PIK3CG: variants seen among roughly 807,000 people sequenced by gnomAD.
PIK3CG encodes the protein phosphatidylinositol-4,5-bisphosphate 3-kinase catalytic subunit gamma, also known as phosphatidylinositol 4,5-bisphosphate 3-kinase catalytic subunit gamma isoform.
PIK3CG carries 55 observed loss-of-function variants against 102.3 expected under a neutral mutation model. The observed-to-expected ratio is 0.54, with a 90% CI of 0.43 to 0.67. The LOEUF (loss-of-function observed/expected upper bound fraction) is 0.67, where lower values mean the gene tolerates loss of function less well. PIK3CG is among the 30% of genes least tolerant of loss of function. The pLI is 0.00. For missense variants in PIK3CG, 1,258 were observed against 1,391.8 expected, an observed-to-expected ratio of 0.90 and a Z score of 1.53; for synonymous variants, 552 against 540.0, an observed-to-expected ratio of 1.02 and a Z score of -0.31.
Position 106,877,850 on chromosome 7 carries a change from C to T in PIK3CG, c.2392-1669C>T, listed in dbSNP as rs533807470. 6.6e-6 allele frequency among the ~76,000 whole-genome samples: 1 copy of T among 152,252 alleles called. No individual in the cohort carries two copies. Among genetic ancestry groups the T allele is most frequent in the South Asian group, 2.1e-4 (1 of 4,832 alleles). ...GTATACTTCCATTAACCCCCGCATC[C>T]TTTGCATTATTTTTATTATGATTTC... On this transcript the variant is annotated intron_variant, in intron 5 of 10. Transcript: ENST00000496166. The surrounding 1 kb of genome is among the most constrained non-coding windows in gnomAD (Gnocchi z 4.5).
chr7:106,869,692 CT>C lies in PIK3CG; in HGVS notation c.1995+137del. On this transcript the variant is annotated intron_variant, in intron 2 of 10. Transcript: ENST00000496166. The surrounding 1 kb of genome is among the most constrained non-coding windows in gnomAD (Gnocchi z 5.3). ...ATCGGCAAAAGTAGATATGATGAAGCTGCCTCAAAAAGTAGTAAACTGTTCC... is the reference window on the plus strand; with the variant it reads ...ATCGGCAAAAGTAGATATGATGAAGCGCCTCAAAAAGTAGTAAACTGTTCC... 1 of 731,066 alleles carries C rather than the reference CT, an allele frequency of 1.4e-6. No individual in the cohort carries two copies. Among genetic ancestry groups the C allele is most frequent in the South Asian group, 2.0e-5 (1 of 50,632 alleles). The allele number at this position is 731,066 out of a possible 1,614,324, so 45.3% of individuals were successfully genotyped here.
In PIK3CG at chr7:106,902,102, G is replaced by A. The variant is rs1052154504; in HGVS notation, c.3031-3007G>A. ...TCCCAACTTGGAGGCAGCAGAGGAA[G>A]GGACTTTGGTATTGGTTGTGGCCAA... On this transcript the variant is annotated intron_variant, in intron 10 of 10. Transcript: ENST00000496166. This position sits in a 1 kb window ranked among gnomAD's most constrained non-coding sequence, Gnocchi z 4.3. Among the ~76,000 whole-genome samples the A allele has an allele frequency of 1.3e-5, 2 of 152,216 alleles. No homozygotes were observed. The highest frequency in any genetic ancestry group is 1.3e-4 in the Admixed American group (2 of 15,280).
intron 2 of PIK3CG, among the ~76,000 whole-genome samples, chr7:106,870,629 C>A (rs551574589): frequency 6.6e-6 from 1 of 152,118 alleles, no homozygotes; most frequent in South Asian, 2.1e-4. Context: ...TAAGAGACCC[C>A]GGGACAGTTC....
At position 106,869,484 on chromosome 7, in the gene PIK3CG, A is replaced by G. The variant is rs1005881896; in HGVS notation, c.1923A>G (p.Arg641=). The G allele has an allele frequency of 1.2e-6, 2 of 1,614,078 alleles. No homozygotes were observed. ...GCAACTTCTCAGATGAAAATGTAAG[A>G]GCCATTGCAGTTCAGAAACTGGAGA... The part of the protein sequence containing the change: ...LDCNFSDENV[R]AIAVQKLESL... The change falls in exon 2 of 11, where the codon AGA becomes AGG. Residue 641 remains arginine (R), a synonymous_variant. Coordinates refer to ENST00000496166, the MANE Select transcript of PIK3CG (RefSeq NM_001282426.2). The surrounding 1 kb of genome is among the most constrained non-coding windows in gnomAD (Gnocchi z 5.3).
In PIK3CG at chr7:106,874,077, A is replaced by G. The variant is rs1408447400; in HGVS notation, c.2288-623A>G. 6.6e-6 allele frequency among the ~76,000 whole-genome samples: 1 copy of G among 152,132 alleles called. No individual in the cohort carries two copies. The highest frequency in any genetic ancestry group is 1.5e-5 in the Non-Finnish European group (1 of 68,024). On this transcript the variant is annotated intron_variant, in intron 4 of 10. Transcript: ENST00000496166. The surrounding 1 kb of genome is among the most constrained non-coding windows in gnomAD (Gnocchi z 4.3). ...TTTCTTTCTCCCTTTGATTCTTACAATGCTTCCTCCTAAAAATGATGATGG... is the reference window on the plus strand; with the variant it reads ...TTTCTTTCTCCCTTTGATTCTTACAGTGCTTCCTCCTAAAAATGATGATGG...
Position 106,869,234 on chromosome 7 carries a change from T to C in PIK3CG, c.1673T>C (p.Ile558Thr), listed in dbSNP as rs749631229. Residue 558 changes from isoleucine (I) to threonine (T), a missense_variant, in exon 2 of 11, where the codon ATC becomes ACC. This residue lies in a region of PIK3CG where 832 missense variants were observed against 787.5 expected (regional missense o/e 1.06). Transcript: ENST00000496166. This position sits in a 1 kb window ranked among gnomAD's most constrained non-coding sequence, Gnocchi z 5.3. Reference sequence around the variant, plus strand: ...CAGCTTCGCAAGCAATTGGAGGCGATCATAGCCACTGATCCACTTAACCCT... The same window carrying C: ...CAGCTTCGCAAGCAATTGGAGGCGACCATAGCCACTGATCCACTTAACCCT... ...PNQLRKQLEA[I>T]IATDPLNPLT... 1 of 1,614,192 alleles carries C rather than the reference T, an allele frequency of 6.2e-7. No individual in the cohort carries two copies.
chr7:106,868,979 T>G lies in PIK3CG; in HGVS notation c.1418T>G (p.Phe473Cys). The change falls in exon 2 of 11, where the codon TTC becomes TGC. Residue 473 changes from phenylalanine to cysteine, a missense_variant. Around this residue, in one of 2 missense-constraint regions of PIK3CG, gnomAD observed 832 missense variants for 787.5 expected, o/e 1.06. Coordinates refer to ENST00000496166, the MANE Select transcript of PIK3CG (RefSeq NM_001282426.2). The surrounding 1 kb of genome is among the most constrained non-coding windows in gnomAD (Gnocchi z 6.2). ...AACCTGCTGCTGATAGACCACCGTT[T>G]CCTCCTGCGCCGTGGAGAATACGTC... is the stretch of plus-strand genomic sequence containing the variant. ...YVNLLLIDHR[F>C]LLRRGEYVLH... is the part of the protein sequence containing the mutation. The G allele has an allele frequency of 1.2e-6, 2 of 1,614,156 alleles. No individual in the cohort carries two copies. Among genetic ancestry groups the G allele is most frequent in the Non-Finnish European group, 8.5e-7 (1 of 1,180,032 alleles).
chr7:106,888,606 T>C (rs933668098), intron 10 of PIK3CG, among the ~76,000 whole-genome samples: 3 of 152,244 alleles, frequency 2.0e-5, no homozygotes, highest in Non-Finnish European at 4.4e-5. Context: ...AAACCTTTTT[T>C]ACTAAAGCAA....
In PIK3CG at chr7:106,899,627, G is replaced by A. The variant is rs1286181613; in HGVS notation, c.3031-5482G>A. Among the ~76,000 whole-genome samples, 1 of 152,172 alleles carries A rather than the reference G, an allele frequency of 6.6e-6. No individual in the cohort carries two copies. The highest frequency in any genetic ancestry group is 2.4e-5 in the African/African-American group (1 of 41,452). On this transcript the variant is annotated intron_variant, in intron 10 of 10. Coordinates refer to ENST00000496166, the MANE Select transcript of PIK3CG (RefSeq NM_001282426.2). This position sits in a 1 kb window ranked among gnomAD's most constrained non-coding sequence, Gnocchi z 4.6. ...CTGTGTCTATGGAGATAATCATGTG[G>A]TTTTTGTCTTTAGTTCTTTGTATGT...
Position 106,897,754 on chromosome 7 carries a change from A to G in PIK3CG, c.3031-7355A>G, listed in dbSNP as rs1239046190. 6.6e-6 allele frequency among the ~76,000 whole-genome samples: 1 copy of G among 152,168 alleles called. No homozygotes were observed. The highest frequency in any genetic ancestry group is 1.9e-4 in the East Asian group (1 of 5,194). On this transcript the variant is annotated intron_variant, in intron 10 of 10. Coordinates refer to ENST00000496166, the MANE Select transcript of PIK3CG (RefSeq NM_001282426.2). This position sits in a 1 kb window ranked among gnomAD's most constrained non-coding sequence, Gnocchi z 4.6. ...GCATAGTATTCCATGGTGTATATGT[A>G]CCACATTTTCTTTAATCAGCCTATC...
Position 106,868,728 on chromosome 7 carries a change from T to C in PIK3CG, c.1167T>C (p.His389=), listed in dbSNP as rs1219969037. The change falls in exon 2 of 11, where the codon CAT becomes CAC. Residue 389 remains histidine (H), a synonymous_variant. Coordinates refer to ENST00000496166, the MANE Select transcript of PIK3CG (RefSeq NM_001282426.2). This position sits in a 1 kb window ranked among gnomAD's most constrained non-coding sequence, Gnocchi z 6.2. ...LTVFVEANIQ[H]GQQVLCQRRT... ...TTTTTGTAGAGGCAAACATCCAGCA[T>C]GGGCAACAAGTCCTTTGCCAAAGGA... 6.2e-6 allele frequency: 10 copies of C among 1,614,206 alleles called. No homozygotes were observed. The highest frequency in any genetic ancestry group is 1.6e-4 in the Middle Eastern group (1 of 6,062).
chr7:106,881,019 CA>C (rs1158487379), intron 6 of PIK3CG, among the ~76,000 whole-genome samples: 3 of 151,810 alleles, frequency 2.0e-5, no homozygotes, highest in South Asian at 2.1e-4. Flanking sequence ...GCTCTCTGGT[CA>C]AAAAAAACCT....
chr7:106,906,740 CTGTT>C lies in PIK3CG; in HGVS notation c.*1355_*1358del, dbSNP rs1791691707. ...GAAAAAAACTATGTTAACAGTGTCTCTGTTTAAGTATAATCAGATATAAATATAT... is the reference window on the plus strand; with the variant it reads ...GAAAAAAACTATGTTAACAGTGTCTCTAAGTATAATCAGATATAAATATAT... On this transcript the variant is annotated 3_prime_UTR_variant, in exon 11 of 11. Coordinates refer to ENST00000496166, the MANE Select transcript of PIK3CG (RefSeq NM_001282426.2). 4.5e-6 allele frequency: 1 copy of C among 224,198 alleles called. No homozygotes were observed. Among genetic ancestry groups the C allele is most frequent in the Admixed American group, 5.8e-5 (1 of 17,334 alleles). The allele number at this position is 224,198 out of a possible 1,614,324, so 13.9% of individuals were successfully genotyped here.
intron 10 of PIK3CG, among the ~76,000 whole-genome samples, chr7:106,901,634 T>A (rs531348958): frequency 6.6e-6 from 1 of 152,332 alleles, no homozygotes; most frequent in East Asian, 1.9e-4. Flanking sequence ...ATATGACAAT[T>A]TGGCCATTTG....
Position 106,869,202 on chromosome 7 carries a change from G to A in PIK3CG, c.1641G>A (p.Met547Ile). ...DPEGDRVRAE[M>I]PNQLRKQLEA... ...AAGGGGACCGGGTTCGAGCAGAAATGCCCAACCAGCTTCGCAAGCAATTGG... is the reference window on the plus strand; with the variant it reads ...AAGGGGACCGGGTTCGAGCAGAAATACCCAACCAGCTTCGCAAGCAATTGG... Residue 547 changes from methionine to isoleucine, a missense_variant, in exon 2 of 11, where the codon ATG becomes ATA. By Grantham distance (10) the Met-to-Ile change is conservative. Coordinates refer to ENST00000496166, the MANE Select transcript of PIK3CG (RefSeq NM_001282426.2). The surrounding 1 kb of genome is among the most constrained non-coding windows in gnomAD (Gnocchi z 5.3). 5 of 1,614,206 alleles carry A rather than the reference G, an allele frequency of 3.1e-6. No homozygotes were observed. The highest frequency in any genetic ancestry group is 4.5e-5 in the East Asian group (2 of 44,876).
rs766162958 is a variant in PIK3CG, at chr7:106,883,500, T to C, written c.2760+337T>C. ...TCAGCCAAGATATTTAGTTACCATGTATAAACTCTTACGTACCTGGGAAAT... is the reference window on the plus strand; with the variant it reads ...TCAGCCAAGATATTTAGTTACCATGCATAAACTCTTACGTACCTGGGAAAT... On this transcript the variant is annotated intron_variant, in intron 8 of 10. Coordinates refer to ENST00000496166, the MANE Select transcript of PIK3CG (RefSeq NM_001282426.2). The surrounding 1 kb of genome is among the most constrained non-coding windows in gnomAD (Gnocchi z 5.8). 5.9e-5 allele frequency among the ~76,000 whole-genome samples: 9 copies of C among 152,262 alleles called. No homozygotes were observed. Among genetic ancestry groups the C allele is most frequent in the Non-Finnish European group, 1.2e-4 (8 of 68,042 alleles).
chr7:106,882,917 C>CAA (rs552794683), intron 7 of PIK3CG, 116 bp from the exon 8 acceptor site: 15,848 of 408,414 alleles, frequency 0.039, 2 homozygotes, highest in East Asian at 0.044. Context: ...GCTCTCTGGT[C>CAA]AAAAAAAAAA....
At chr7:106,875,780 G>A (rs974501269) in intron 5 of PIK3CG, among the ~76,000 whole-genome samples, 4 of 151,958 alleles carry the variant, frequency 2.6e-5, no homozygotes, top group Non-Finnish European at 5.9e-5. Flanking sequence ...GTCAGATGGT[G>A]TGTGTGTGTA....
At position 106,905,992 on chromosome 7, in the gene PIK3CG, C is replaced by T. The variant is rs922667814; in HGVS notation, c.*605C>T. 7 of 227,174 alleles carry T rather than the reference C, an allele frequency of 3.1e-5. No homozygotes were observed. The highest frequency in any genetic ancestry group is 5.2e-5 in the Non-Finnish European group (6 of 114,670). The allele number at this position is 227,174 out of a possible 1,614,324, so 14.1% of individuals were successfully genotyped here. A position where few individuals can be genotyped will look rare whatever the true frequency, so the allele number is the denominator to read the frequency against. On this transcript the variant is annotated 3_prime_UTR_variant, in exon 11 of 11. Transcript: ENST00000496166. This position sits in a 1 kb window ranked among gnomAD's most constrained non-coding sequence, Gnocchi z 5.6. Reference sequence around the variant, plus strand: ...CAAACACAGCAGGAGAAATCTAAACCGTTGTGCCTTGACCTTCCTCTGCTG... The same window carrying T: ...CAAACACAGCAGGAGAAATCTAAACTGTTGTGCCTTGACCTTCCTCTGCTG...
Sources: gnomAD v4.1 joint callset for allele counts (sites outside exome capture counted in the v4.1 genomes callset) on GRCh38, gnomAD v4.1.1 for gene constraint, gnomAD v4.1.1 regional missense constraint, Gnocchi (gnomAD v3.1) non-coding constraint, MANE v1.5 for transcripts, NCBI Gene and HGNC (gene_info 2026-07-23, HGNC 2026-07-21) for gene names.